KANK3: variants seen among roughly 807,000 people sequenced by gnomAD.
KANK3 encodes the protein KN motif and ankyrin repeat domain-containing protein 3.
A neutral mutation model predicts 65.4 loss-of-function variants in KANK3; 61 were observed. That is an observed-to-expected ratio of 0.93 (90% CI 0.76 to 1.15). The LOEUF (loss-of-function observed/expected upper bound fraction) is 1.15, where lower values mean the gene tolerates loss of function less well. KANK3 is among the 50% of genes most tolerant of loss of function. The probability of loss-of-function intolerance (pLI) is 0.00; values close to 1 mark genes in which losing one functional copy is unlikely to be tolerated. For synonymous variants in KANK3, 586 were observed against 543.3 expected (o/e 1.08, Z -1.09); for missense variants, 1,187 against 1,178.8 (o/e 1.01, Z -0.10).
In KANK3 at chr19:8,334,370, T is replaced by A; in HGVS notation, c.1377A>T (p.Gln459His). ...MKKRDGTPGA[Q>H]PSSGPKSLQF... ...GCAGGCTCTTGGGTCCGGAGCTGGGTTGGGCACCAGGTGTGCCGTCTCTCT... is the reference window on the plus strand; with the variant it reads ...GCAGGCTCTTGGGTCCGGAGCTGGGATGGGCACCAGGTGTGCCGTCTCTCT... The change falls in exon 4 of 11, where the codon CAA (glutamine) becomes CAT (histidine). Residue 459 changes from glutamine to histidine, a missense_variant. Physicochemically the swap from Gln to His is conservative, Grantham distance 24. Transcript: ENST00000330915. The A allele has an allele frequency of 1.2e-6, 2 of 1,614,090 alleles. No individual in the cohort carries two copies. The highest frequency in any genetic ancestry group is 1.7e-6 in the Non-Finnish European group (2 of 1,180,006).
intron 7 of KANK3, among the ~76,000 whole-genome samples, chr19:8,329,316 G>A (rs577649106): frequency 1.2e-3 from 187 of 149,950 alleles, no homozygotes; most frequent in Admixed American, 2.9e-3. Flanking sequence ...GTGAAACCCC[G>A]TCTCTACTGA....
At chr19:8,336,760 TG>T (rs1249151277) in intron 2 of KANK3, among the ~76,000 whole-genome samples, 1 of 99,536 alleles carries the variant, frequency 1.0e-5, no homozygotes, top group African/African-American at 4.1e-5. Flanking sequence ...AAAAAAAGGT[TG>T]GCGAGGGGAA....
chr19:8,335,363 CGGCCGGGGCTGGGCGCGCGCTCGT>C lies in KANK3; in HGVS notation c.440_463del (p.His147_Gly154del), dbSNP rs1256856882. 3 of 1,195,266 alleles carry C rather than the reference CGGCCGGGGCTGGGCGCGCGCTCGT, an allele frequency of 2.5e-6. No homozygotes were observed. The highest frequency in any genetic ancestry group is 3.1e-6 in the Non-Finnish European group (3 of 965,024). The allele number at this position is 1,195,266 out of a possible 1,614,324, so 74.0% of individuals were successfully genotyped here. ...CCCGCGTGGGCTGCGCGGGACCCCG[CGGCCGGGGCTGGGCGCGCGCTCGT>C]GTGTCTGCGCCAGCTCCAGCCGCCG... On this transcript the variant is annotated inframe_deletion, in exon 3 of 11. Coordinates refer to ENST00000330915, the MANE Select transcript of KANK3 (RefSeq NM_198471.3).
In KANK3 at chr19:8,335,456, GGC is replaced by G. The variant is rs1568577466; in HGVS notation, c.369_370del (p.Pro124ArgfsTer48). The G allele has an allele frequency of 1.6e-6, 2 of 1,228,298 alleles. No homozygotes were observed. The highest frequency in any genetic ancestry group is 1.0e-6 in the Non-Finnish European group (1 of 983,042). The allele number at this position is 1,228,298 out of a possible 1,614,324, so 76.1% of individuals were successfully genotyped here. A position where few individuals can be genotyped will look rare whatever the true frequency, so the allele number is the denominator to read the frequency against. On this transcript the variant is annotated frameshift_variant, in exon 3 of 11. Transcript: ENST00000330915. LOFTEE classifies it high-confidence loss of function. ...GTGCTCGACGCGCGGGTTGCGCACG[GGC>G]GCGCGCGGCGACAGCGGCTGCATCA...
At chr19:8,338,783 G>A (rs982202744) in intron 1 of KANK3, among the ~76,000 whole-genome samples, 1 of 150,572 alleles carries the variant, frequency 6.6e-6, no homozygotes, top group South Asian at 2.1e-4. Context: ...GCTGAGGCAG[G>A]AGAATGGCGT....
chr19:8,330,290 G>A (rs780511233), intron 7 of KANK3, among the ~76,000 whole-genome samples: 1 of 152,122 alleles, frequency 6.6e-6, no homozygotes, highest in Non-Finnish European at 1.5e-5. Flanking sequence ...GGTCTGGAGA[G>A]GTGGAGCCAA....
chr19:8,341,161 T>A (rs1970718560), intron 1 of KANK3, among the ~76,000 whole-genome samples: 1 of 151,482 alleles, frequency 6.6e-6, no homozygotes, highest in Non-Finnish European at 1.5e-5. Flanking sequence ...TGTCAAATAA[T>A]AACAACGCTT....
chr19:8,331,798 G>A lies in KANK3; in HGVS notation c.1936+1216C>T, dbSNP rs189982884. The stretch of plus-strand genomic sequence containing the variant: ...CACATGCTGGCCATTTACTGATCTC[G>A]TACTACCTGTATTATCATAGGTACC... On this transcript the variant is annotated intron_variant, in intron 7 of 10. Coordinates refer to ENST00000330915, the MANE Select transcript of KANK3 (RefSeq NM_198471.3). Among the ~76,000 whole-genome samples, 10 of 152,074 alleles carry A rather than the reference G, an allele frequency of 6.6e-5. 1 individual carries two copies. Among genetic ancestry groups the A allele is most frequent in the African/African-American group, 7.2e-5 (3 of 41,494 alleles).
At chr19:8,331,059 G>A (rs1970514650) in intron 7 of KANK3, among the ~76,000 whole-genome samples, 1 of 150,830 alleles carries the variant, frequency 6.6e-6, no homozygotes, top group Admixed American at 6.6e-5. Context: ...CGGGCGTGGT[G>A]GCGGGCGCCT....
In KANK3 at chr19:8,333,358, C is replaced by T; in HGVS notation, c.1720-128G>A. 1.3e-6 allele frequency: 1 copy of T among 759,922 alleles called. No homozygotes were observed. Among genetic ancestry groups the T allele is most frequent in the Admixed American group, 2.8e-5 (1 of 35,842 alleles). 47.1% of individuals were successfully genotyped at this position (759,922 alleles called of 1,614,324 possible). ...TTCCAGGCAAGTAAGGAAGGTCACT[C>T]CTCGTCCAGGTGGGGAGCCATGCGA... is the stretch of plus-strand genomic sequence containing the variant. On this transcript the variant is annotated intron_variant, in intron 6 of 10. Transcript: ENST00000330915. This position sits in a 1 kb window ranked among gnomAD's most constrained non-coding sequence, Gnocchi z 5.0.
At chr19:8,335,813 C>T (rs866615488) in intron 2 of KANK3, 21 bp from the exon 3 acceptor site, 8 of 1,226,550 alleles carry the variant, frequency 6.5e-6, no homozygotes, top group African/African-American at 4.7e-5. Context: ...GACGGGGGCA[C>T]GGGGAGGGCG....
At chr19:8,329,486 C>G (rs1439124979) in intron 7 of KANK3, among the ~76,000 whole-genome samples, 1 of 83,418 alleles carries the variant, frequency 1.2e-5, no homozygotes, top group African/African-American at 5.0e-5. Flanking sequence ...GAGCAAGACT[C>G]GGCCTCAAAA....
intron 7 of KANK3, among the ~76,000 whole-genome samples, chr19:8,325,931 A>G (rs540105630): frequency 6.6e-6 from 1 of 151,622 alleles, no homozygotes; most frequent in Non-Finnish European, 1.5e-5. Flanking sequence ...GGTTTAAGCG[A>G]TTCTTCTGCC....
chr19:8,337,847 C>A lies in KANK3; in HGVS notation c.-19G>T, dbSNP rs181906333. On this transcript the variant is annotated 5_prime_UTR_variant, in exon 2 of 11. Transcript: ENST00000330915. Reference sequence around the variant, plus strand: ...TGGCCATGTTTCCTGCAGCAGCTGTCAGAGGCACCCTGCAAAAGGGGTGAA... The same window carrying A: ...TGGCCATGTTTCCTGCAGCAGCTGTAAGAGGCACCCTGCAAAAGGGGTGAA... 1.2e-6 allele frequency: 2 copies of A among 1,613,386 alleles called. No homozygotes were observed. The highest frequency in any genetic ancestry group is 2.2e-5 in the East Asian group (1 of 44,874).
intron 2 of KANK3, among the ~76,000 whole-genome samples, chr19:8,336,433 C>T (rs34768661): frequency 2.8e-4 from 37 of 134,318 alleles, no homozygotes; most frequent in Non-Finnish European, 3.0e-4. Flanking sequence ...GAGAACCTCT[C>T]AAAAAAAAAA....
chr19:8,322,590 G>A lies in KANK3; in HGVS notation c.*249C>T. On this transcript the variant is annotated 3_prime_UTR_variant, in exon 11 of 11. Transcript: ENST00000330915. ...CCCAAACAAAACACAAGCGTAGTAG[G>A]AATGTTTTATTAGCAAAGAAGTTTC... 1.8e-6 allele frequency: 1 copy of A among 556,242 alleles called. No individual in the cohort carries two copies. The highest frequency in any genetic ancestry group is 3.2e-6 in the Non-Finnish European group (1 of 311,558). The allele number at this position is 556,242 out of a possible 1,614,324, so 34.5% of individuals were successfully genotyped here.
At chr19:8,332,323 A>G (rs537899496) in intron 7 of KANK3, among the ~76,000 whole-genome samples, 18 of 151,964 alleles carry the variant, frequency 1.2e-4, no homozygotes, top group African/African-American at 4.1e-4. Flanking sequence ...AATTACAGGC[A>G]TGTACCACCA....
intron 7 of KANK3, among the ~76,000 whole-genome samples, chr19:8,326,173 G>A (rs1428378416): frequency 1.3e-5 from 2 of 151,384 alleles, no homozygotes; most frequent in Non-Finnish European, 1.5e-5. Context: ...GCTCACGTCT[G>A]TAATCCCAGC....
In KANK3 at chr19:8,334,005, T is replaced by A; in HGVS notation, c.1539A>T (p.Gly513=). The A allele has an allele frequency of 6.5e-7, 1 of 1,548,438 alleles. No individual in the cohort carries two copies. Among genetic ancestry groups the A allele is most frequent in the East Asian group, 2.4e-5 (1 of 41,370 alleles). The change falls in exon 5 of 11, where the codon GGA becomes GGT. Residue 513 remains glycine (G), a synonymous_variant. Transcript: ENST00000330915. Reference sequence around the variant, plus strand: ...GAGGGCCAGGGGTGCCCGAGTCGGATCCCCCGCCGCTGTCATCCCCGGAGC... The same window carrying A: ...GAGGGCCAGGGGTGCCCGAGTCGGAACCCCCGCCGCTGTCATCCCCGGAGC... The part of the protein sequence containing the change: ...SSGSGDDSGG[G]SDSGTPGPPS...
Sources: gnomAD v4.1 joint callset for allele counts (sites outside exome capture counted in the v4.1 genomes callset) on GRCh38, gnomAD v4.1.1 for gene constraint, Gnocchi (gnomAD v3.1) non-coding constraint, MANE v1.5 for transcripts, NCBI Gene and HGNC (gene_info 2026-07-23, HGNC 2026-07-21) for gene names.